CEP170: variants seen among roughly 807,000 people sequenced by gnomAD.
The protein encoded by CEP170 is centrosomal protein of 170 kDa.
CEP170 carries 21 observed loss-of-function variants against 151.9 expected under a neutral mutation model. That is an observed-to-expected ratio of 0.14 (90% CI 0.10 to 0.20). The LOEUF (loss-of-function observed/expected upper bound fraction) is 0.20, where lower values mean the gene tolerates loss of function less well. Among genes scored for constraint, CEP170 ranks in the 10% least tolerant of loss-of-function variants. CEP170 has a pLI of 1.00. For synonymous variants in CEP170, 356 were observed against 648.8 expected (o/e 0.55, Z 6.86); for missense variants, 964 against 1,892.9 (o/e 0.51, Z 9.11).
chr1:243,131,389 G>A (rs2148189114), intron 17 of CEP170, among the ~76,000 whole-genome samples: 1 of 152,164 alleles, frequency 6.6e-6, no homozygotes, highest in Non-Finnish European at 1.5e-5. Flanking sequence ...CTACTAAGAA[G>A]GCTGAGGTGG....
intron 1 of CEP170, among the ~76,000 whole-genome samples, chr1:243,228,235 T>C (rs1261183833): frequency 3.9e-5 from 6 of 152,200 alleles, no homozygotes; most frequent in African/African-American, 9.7e-5. Flanking sequence ...TCATATGTTA[T>C]CTATACACAC....
chr1:243,174,831 C>G (rs1014005331), intron 10 of CEP170, among the ~76,000 whole-genome samples: 1 of 152,200 alleles, frequency 6.6e-6, no homozygotes, highest in Non-Finnish European at 1.5e-5. Flanking sequence ...GTGTCCTCTA[C>G]CTTTAACCCC....
At chr1:243,153,389 G>A (rs2057287330) in intron 14 of CEP170, among the ~76,000 whole-genome samples, 1 of 152,196 alleles carries the variant, frequency 6.6e-6, no homozygotes, top group African/African-American at 2.4e-5. Flanking sequence ...GTTCTACTCT[G>A]GGTAAAATGC....
In CEP170 at chr1:243,126,476, T is replaced by C; in HGVS notation, c.4728A>G (p.Glu1576=). 2.5e-6 allele frequency: 4 copies of C among 1,610,050 alleles called. No homozygotes were observed. The highest frequency in any genetic ancestry group is 3.4e-6 in the Non-Finnish European group (4 of 1,177,856). ...IHFNRFNPDG[E]EEDVTVQE ...ATTCTTGTACTGTAACATCTTCCTC[T>C]TCCCCATCGGGGTTGAATCTATTGA... The change falls in exon 20 of 20, where the codon GAA becomes GAG. Residue 1576 remains glutamate, a synonymous_variant. Transcript: ENST00000366542.
At chr1:243,249,823 C>T (rs12732083) in intron 1 of CEP170, among the ~76,000 whole-genome samples, 24,701 of 152,268 alleles carry the variant, frequency 0.16, 2,501 homozygotes, top group East Asian at 0.23. Flanking sequence ...ATGGCTCACA[C>T]CTGTAATCCC....
intron 8 of CEP170, among the ~76,000 whole-genome samples, chr1:243,189,662 C>T (rs1254148123): frequency 1.3e-5 from 2 of 151,260 alleles, no homozygotes; most frequent in African/African-American, 4.9e-5. Context: ...AAAATGATTA[C>T]CTTTTAAAAG....
intron 1 of CEP170, among the ~76,000 whole-genome samples, chr1:243,254,761 C>A (rs2087563): frequency 0.45 from 62,907 of 140,252 alleles, 15,549 homozygotes; most frequent in East Asian, 0.68. Flanking sequence ...CTCGGGAAAG[C>A]CGGGGGGCCG....
chr1:243,182,256 C>T (rs1261743408), intron 10 of CEP170, among the ~76,000 whole-genome samples: 3 of 152,070 alleles, frequency 2.0e-5, no homozygotes, highest in Non-Finnish European at 4.4e-5. Context: ...CATAAGCCAG[C>T]CATATGTGGA....
At chr1:243,135,194 C>T (rs903402075) in intron 17 of CEP170, among the ~76,000 whole-genome samples, 1 of 151,946 alleles carries the variant, frequency 6.6e-6, no homozygotes, top group Non-Finnish European at 1.5e-5. Context: ...TCTGGTACAC[C>T]TTCAAGAAAT....
At chr1:243,252,819 C>T (rs2066062920) in intron 1 of CEP170, among the ~76,000 whole-genome samples, 1 of 151,572 alleles carries the variant, frequency 6.6e-6, no homozygotes, top group East Asian at 1.9e-4. Context: ...TAAAATGCAA[C>T]GTAAAATTAA....
At chr1:243,231,365 GA>G (rs909787274) in intron 1 of CEP170, among the ~76,000 whole-genome samples, 1 of 151,310 alleles carries the variant, frequency 6.6e-6, no homozygotes, top group Non-Finnish European at 1.5e-5. Context: ...TTAAAACTGT[GA>G]AAAAAATTTT....
At chr1:243,219,714 T>A (rs1440991697) in intron 3 of CEP170, among the ~76,000 whole-genome samples, 1 of 152,236 alleles carries the variant, frequency 6.6e-6, no homozygotes, top group Non-Finnish European at 1.5e-5. Context: ...AAAGACAATA[T>A]AACATTGTCA....
At chr1:243,227,885 G>T (rs1209643344) in intron 1 of CEP170, among the ~76,000 whole-genome samples, 1 of 152,192 alleles carries the variant, frequency 6.6e-6, no homozygotes, top group Non-Finnish European at 1.5e-5. Flanking sequence ...GTCATTAAGG[G>T]AATAAGCCCT....
Position 243,165,721 on chromosome 1 carries a change from T to C in CEP170, c.2239A>G (p.Lys747Glu), listed in dbSNP as rs2058391053. 2 of 1,614,102 alleles carry C rather than the reference T, an allele frequency of 1.2e-6. No homozygotes were observed. Residue 747 changes from lysine to glutamate, a missense_variant, in exon 13 of 20, where the codon AAA becomes GAA. Physicochemically the swap from Lys to Glu is moderately conservative, Grantham distance 56 (BLOSUM62 1). Coordinates refer to ENST00000366542, the MANE Select transcript of CEP170 (RefSeq NM_014812.3). The part of the protein sequence containing the change: ...ETSLVKQTLA[K>E]LQQQEQREEA... ...TCCCTTTGTTCTTGTTGTTGAAGTT[T>C]TGCTAATGTTTGCTTTACCAAAGAA...
At chr1:243,238,633 G>A (rs968185801) in intron 1 of CEP170, among the ~76,000 whole-genome samples, 2 of 152,134 alleles carry the variant, frequency 1.3e-5, no homozygotes, top group African/African-American at 4.8e-5. Context: ...CATTATATTT[G>A]AATTTTCTTT....
intron 3 of CEP170, 144 bp downstream of exon 3, chr1:243,221,580 A>C (rs564764533): frequency 2.7e-6 from 2 of 750,378 alleles, no homozygotes. Context: ...GATGGTCCCC[A>C]AAGTGCTATG....
rs150155539 is a variant in CEP170 at position 243,224,759 on chromosome 1, A to C, written c.105+417T>G. On this transcript the variant is annotated intron_variant, in intron 2 of 19. Transcript: ENST00000366542. ...ATATACACAATAAAATTTACTTTTAAAAATTGTCAACAATCTTCACTTATG... is the reference window on the plus strand; with the variant it reads ...ATATACACAATAAAATTTACTTTTACAAATTGTCAACAATCTTCACTTATG... 5.3e-3 allele frequency among the ~76,000 whole-genome samples: 812 copies of C among 152,330 alleles called. 7 individuals are homozygous for C. Among genetic ancestry groups the C allele is most frequent in the South Asian group, 9.7e-3 (47 of 4,832 alleles).
rs1374856559 is a variant in CEP170, at chr1:243,165,781, G to A, written c.2179C>T (p.Pro727Ser). 2 of 1,614,000 alleles carry A rather than the reference G, an allele frequency of 1.2e-6. No homozygotes were observed. Among genetic ancestry groups the A allele is most frequent in the East Asian group, 2.2e-5 (1 of 44,890 alleles). Residue 727 changes from proline (P) to serine (S), a missense_variant, in exon 13 of 20, where the codon CCT becomes TCT. Physicochemically the swap from Pro to Ser is moderately conservative, Grantham distance 74. Transcript: ENST00000366542. ...TCAGTTTCACTTTTCTCTTTTCCAGGAGCAGAGCTGCCTAAGTGAAGTAGG... is the reference window on the plus strand; with the variant it reads ...TCAGTTTCACTTTTCTCTTTTCCAGAAGCAGAGCTGCCTAAGTGAAGTAGG... ...KTLLHLGSSAPGKEKSETDKE... is the reference protein window; with the variant it reads ...KTLLHLGSSASGKEKSETDKE...
chr1:243,217,607 T>C (rs1323675946), intron 3 of CEP170, among the ~76,000 whole-genome samples: 11 of 152,180 alleles, frequency 7.2e-5, no homozygotes, highest in Non-Finnish European at 1.6e-4. Context: ...ACACAAAATT[T>C]CAGTTCACAA....
Sources: gnomAD v4.1 joint callset for allele counts (sites outside exome capture counted in the v4.1 genomes callset) on GRCh38, gnomAD v4.1.1 for gene constraint, MANE v1.5 for transcripts, NCBI Gene and HGNC (gene_info 2026-07-23, HGNC 2026-07-21) for gene names.